GSE1: variants seen among roughly 807,000 people sequenced by gnomAD.
GSE1 encodes the protein genetic suppressor element 1.
In GSE1, 32 loss-of-function variants were observed where a neutral mutation model predicts 112.6. That is an observed-to-expected ratio of 0.28 (90% CI 0.21 to 0.38). The LOEUF is 0.38. Ranked by LOEUF, GSE1 falls within the 10% of genes least tolerant of loss-of-function variation. GSE1 has a pLI of 1.00. For synonymous variants in GSE1, 1,115 were observed against 735.6 expected (o/e 1.52, Z -8.35); for missense variants, 2,348 against 1,699.2 (o/e 1.38, Z -6.71).
chr16:85,645,578 C>T (rs1215164521), intron 2 of GSE1, among the ~76,000 whole-genome samples: 2 of 152,222 alleles, frequency 1.3e-5, no homozygotes, highest in Non-Finnish European at 2.9e-5. Flanking sequence ...GGGGCCTCTG[C>T]CTCCTGGTCA....
intron 2 of GSE1, among the ~76,000 whole-genome samples, chr16:85,646,057 C>T (rs2050835627): frequency 6.9e-6 from 1 of 144,962 alleles, no homozygotes; most frequent in Admixed American, 6.7e-5. Flanking sequence ...TTCTACCACG[C>T]TTCCTATGCA....
intron 2 of GSE1, among the ~76,000 whole-genome samples, chr16:85,494,153 A>G (rs1171090718): frequency 6.6e-6 from 1 of 152,228 alleles, no homozygotes; most frequent in Admixed American, 6.5e-5. Context: ...TAACAACAGA[A>G]GCATATTCTC....
chr16:85,478,895 CTTTCTTTCTT>C (rs1567520526), intron 2 of GSE1, among the ~76,000 whole-genome samples: 26 of 76,392 alleles, frequency 3.4e-4, no homozygotes, highest in African/African-American at 7.7e-4. Context: ...TTCTTTCTTT[CTTTCTTTCTT>C]TCTTTCTTTC....
chr16:85,484,442 G>A (rs1370907499), intron 2 of GSE1, among the ~76,000 whole-genome samples: 2 of 152,252 alleles, frequency 1.3e-5, no homozygotes, highest in South Asian at 2.1e-4. Flanking sequence ...ACAACAGATG[G>A]AGTTGAAGGA....
chr16:85,666,745 C>G (rs1040063703), intron 13 of GSE1: 1 of 224,830 alleles, frequency 4.4e-6, no homozygotes, highest in Admixed American at 5.2e-5. Flanking sequence ...GACAGAGATG[C>G]AGATGGCCGC....
At chr16:85,218,972 C>T (rs1310347660) in intron 1 of GSE1, among the ~76,000 whole-genome samples, 3 of 152,152 alleles carry the variant, frequency 2.0e-5, no homozygotes, top group Admixed American at 6.5e-5. Context: ...CTCCACCTCC[C>T]GGGTTCACAC....
intron 1 of GSE1, among the ~76,000 whole-genome samples, chr16:85,288,074 T>G (rs1032430552): frequency 1.3e-5 from 2 of 152,110 alleles, no homozygotes; most frequent in Non-Finnish European, 2.9e-5. Context: ...ACCTTATCTC[T>G]ACTAAAAATA....
At chr16:85,279,623 C>G (rs994016585) in intron 1 of GSE1, among the ~76,000 whole-genome samples, 29 of 152,066 alleles carry the variant, frequency 1.9e-4, no homozygotes, top group African/African-American at 6.8e-4. Flanking sequence ...GTCAATCAAT[C>G]AATCAATCAA....
intron 1 of GSE1, among the ~76,000 whole-genome samples, chr16:85,303,042 G>C (rs900385393): frequency 6.6e-6 from 1 of 152,258 alleles, no homozygotes; most frequent in Non-Finnish European, 1.5e-5. Flanking sequence ...ACTGGAGCCA[G>C]TCCTGTGGCC....
chr16:85,644,504 T>C (rs761382818), intron 2 of GSE1, among the ~76,000 whole-genome samples: 1 of 152,052 alleles, frequency 6.6e-6, no homozygotes, highest in African/African-American at 2.4e-5. Flanking sequence ...GAGATTCTCT[T>C]AGGTGCTGCA....
At chr16:85,521,567 ATCT>A (rs1471472802) in intron 2 of GSE1, among the ~76,000 whole-genome samples, 2 of 152,222 alleles carry the variant, frequency 1.3e-5, no homozygotes, top group Admixed American at 1.3e-4. Flanking sequence ...GGACCTCGGT[ATCT>A]TCTTCTTTAC....
At chr16:85,615,817 A>C (rs2048334289) in intron 1 of GSE1, among the ~76,000 whole-genome samples, 1 of 152,238 alleles carries the variant, frequency 6.6e-6, no homozygotes, top group South Asian at 2.1e-4. Flanking sequence ...GTTAAGCCAC[A>C]GCCTCTGGGT....
At chr16:85,553,761 G>C (rs987784565), upstream of GSE1, among the ~76,000 whole-genome samples, 2 of 152,206 alleles carry the variant, frequency 1.3e-5, no homozygotes, top group Non-Finnish European at 2.9e-5. Flanking sequence ...GCTTGGAGAG[G>C]TCAAAAGGCA....
intron 1 of GSE1, among the ~76,000 whole-genome samples, chr16:85,342,777 C>T (rs1169978497): frequency 1.3e-5 from 2 of 151,980 alleles, no homozygotes; most frequent in Non-Finnish European, 2.9e-5. Flanking sequence ...TCAGAGGAGG[C>T]GATGGTAGGG....
intron 1 of GSE1, among the ~76,000 whole-genome samples, chr16:85,346,222 T>G (rs1597450143): frequency 1.1e-5 from 1 of 87,510 alleles, no homozygotes; most frequent in African/African-American, 4.7e-5. Flanking sequence ...GATGCATAGA[T>G]GGAGGGGCGG....
At chr16:85,290,284 T>A (rs1351531987) in intron 1 of GSE1, among the ~76,000 whole-genome samples, 1 of 152,146 alleles carries the variant, frequency 6.6e-6, no homozygotes, top group Non-Finnish European at 1.5e-5. Context: ...GCCCCTGCCA[T>A]CTTCTCATCA....
intron 1 of GSE1, among the ~76,000 whole-genome samples, chr16:85,314,764 C>T (rs2045952700): frequency 6.6e-6 from 1 of 152,198 alleles, no homozygotes; most frequent in African/African-American, 2.4e-5. Context: ...TGCTGTTTCT[C>T]ATCTCCCAGG....
rs1464338459 is a variant in GSE1, at chr16:85,674,427, T to G, written c.*1888T>G. ...AACTCGAGGGGCTGTGCTGCAGGCCTCCCCTCGAAAGACACTGGGAGGTCA... is the reference window on the plus strand; with the variant it reads ...AACTCGAGGGGCTGTGCTGCAGGCCGCCCCTCGAAAGACACTGGGAGGTCA... On this transcript the variant is annotated 3_prime_UTR_variant, in exon 16 of 16. Transcript: ENST00000253458. The G allele has an allele frequency of 1.3e-5, 2 of 150,656 alleles. No individual in the cohort carries two copies. The highest frequency in any genetic ancestry group is 5.0e-5 in the African/African-American group (2 of 40,260). 9.3% of individuals were successfully genotyped at this position (150,656 alleles called of 1,614,324 possible).
chr16:85,486,590 G>A (rs1266720074), intron 2 of GSE1, among the ~76,000 whole-genome samples: 3 of 152,218 alleles, frequency 2.0e-5, no homozygotes, highest in African/African-American at 7.2e-5. Context: ...CACGGCTCCT[G>A]TGGTGTGGAG....
Sources: allele counts gnomAD v4.1 joint callset (sites outside exome capture counted in the v4.1 genomes callset), GRCh38; gene constraint gnomAD v4.1.1; transcripts MANE v1.5; gene names NCBI Gene and HGNC (gene_info 2026-07-23, HGNC 2026-07-21).